Variants in DCHS2 observed in about 807,000 individuals in gnomAD.
DCHS2 encodes the protein dachsous cadherin-related 2.
DCHS2 carries 142 observed loss-of-function variants against 182.4 expected under a neutral mutation model. The observed-to-expected ratio is 0.78, with a 90% CI of 0.68 to 0.89. The LOEUF (loss-of-function observed/expected upper bound fraction) is 0.89. Among genes scored for constraint, DCHS2 ranks in the 40% least tolerant of loss-of-function variants. The pLI is 0.00. For synonymous variants in DCHS2, 1,740 were observed against 1,663.3 expected, an observed-to-expected ratio of 1.05 and a Z score of -1.12; for missense variants, 4,319 against 4,198.6, an observed-to-expected ratio of 1.03 and a Z score of -0.79.
chr4:154,459,238 C>T (rs774879747), intron 1 of DCHS2, among the ~76,000 whole-genome samples: 1 of 151,892 alleles, frequency 6.6e-6, no homozygotes, highest in Non-Finnish European at 1.5e-5. Context: ...ATGGAATAGC[C>T]CTGAAGGTAG....
At chr4:154,244,537 C>G (rs1220392114) in intron 16 of DCHS2, among the ~76,000 whole-genome samples, 1 of 152,176 alleles carries the variant, frequency 6.6e-6, no homozygotes, top group Non-Finnish European at 1.5e-5. Context: ...TTTTAAGAAA[C>G]TATGTCTTCA....
Position 154,239,263 on chromosome 4 carries a change from G to C in DCHS2, c.7399C>G (p.Leu2467Val). Residue 2467 changes from leucine to valine, a missense_variant, in exon 19 of 20, where the codon CTG becomes GTG. Transcript: ENST00000357232. ...TCTAAGTCTGTGGCTGACAGAGTCA[G>C]CACTGAATACCCCACAGGTATTGAT... Reference protein sequence around the residue: ...PESIPVGYSVLTLSATDLESN... With the variant: ...PESIPVGYSVVTLSATDLESN... The C allele has an allele frequency of 6.2e-7, 1 of 1,613,476 alleles. No individual in the cohort carries two copies. Among genetic ancestry groups the C allele is most frequent in the South Asian group, 1.1e-5 (1 of 91,070 alleles).
chr4:154,451,081 T>A (rs968999323), intron 1 of DCHS2, among the ~76,000 whole-genome samples: 1 of 152,136 alleles, frequency 6.6e-6, no homozygotes. Context: ...TTTCAGTGGG[T>A]CCTGAACAGA....
At chr4:154,238,237 T>A (rs1328075978) in intron 19 of DCHS2, among the ~76,000 whole-genome samples, 1 of 152,152 alleles carries the variant, frequency 6.6e-6, no homozygotes, top group Non-Finnish European at 1.5e-5. Context: ...GCAGTAATCG[T>A]TCATCCACAG....
At position 154,490,277 on chromosome 4, in the gene DCHS2, T is replaced by C. The variant is rs978537825; in HGVS notation, c.1079A>G (p.Glu360Gly). 3 of 1,548,314 alleles carry C rather than the reference T, an allele frequency of 1.9e-6. No homozygotes were observed. The highest frequency in any genetic ancestry group is 2.6e-6 in the Non-Finnish European group (3 of 1,146,696). ...LGDAAYFAVE[E>G]LSGVVRVWRP... ...CCACACTCGCACCACGCCGCTCAGC[T>C]CCTCCACCGCGAAGTAGGCCGCGTC... Residue 360 changes from glutamate (E) to glycine (G), a missense_variant, in exon 1 of 20, where the codon GAG becomes GGG. Glu to Gly is a moderately conservative substitution (Grantham distance 98, BLOSUM62 -2). Coordinates refer to ENST00000357232, the MANE Select transcript of DCHS2 (RefSeq NM_001358235.2).
At chr4:154,365,033 C>A (rs1024134233) in intron 3 of DCHS2, among the ~76,000 whole-genome samples, 12 of 151,372 alleles carry the variant, frequency 7.9e-5, no homozygotes, top group Admixed American at 6.6e-5. Flanking sequence ...AATATTTAAA[C>A]CAATATTTTG....
intron 1 of DCHS2, among the ~76,000 whole-genome samples, chr4:154,437,574 G>A (rs1409730222): frequency 1.3e-5 from 2 of 152,088 alleles, no homozygotes; most frequent in Non-Finnish European, 2.9e-5. Context: ...TTTCTTTGGA[G>A]GGGAAATCTT....
chr4:154,435,884 T>C (rs1249844691), intron 1 of DCHS2, among the ~76,000 whole-genome samples: 1 of 152,130 alleles, frequency 6.6e-6, no homozygotes, highest in Non-Finnish European at 1.5e-5. Flanking sequence ...AAACCTGAAA[T>C]AGGCTCAGTG....
At chr4:154,446,153 T>C (rs1164546485) in intron 1 of DCHS2, among the ~76,000 whole-genome samples, 1 of 152,182 alleles carries the variant, frequency 6.6e-6, no homozygotes, top group Non-Finnish European at 1.5e-5. Context: ...ATCAATAAGA[T>C]TTCTCAGGAA....
chr4:154,468,250 T>A (rs1417144920), intron 1 of DCHS2, among the ~76,000 whole-genome samples: 1 of 152,162 alleles, frequency 6.6e-6, no homozygotes. Flanking sequence ...CTCATCTAGA[T>A]ACAAATCATA....
chr4:154,234,916 G>C lies in DCHS2; in HGVS notation c.9736C>G (p.Pro3246Ala). Residue 3246 changes from proline to alanine, a missense_variant, in exon 20 of 20, where the codon CCT becomes GCT. Transcript: ENST00000357232. Reference protein sequence around the residue: ...YLLSWEPKFQPLASVFNDIAK... With the variant: ...YLLSWEPKFQALASVFNDIAK... Reference sequence around the variant, plus strand: ...ATATCATTAAATACTGAGGCAAGAGGTTGGAATTTGGGCTCCCAACTAAGA... The same window carrying C: ...ATATCATTAAATACTGAGGCAAGAGCTTGGAATTTGGGCTCCCAACTAAGA... 6.2e-7 allele frequency: 1 copy of C among 1,613,960 alleles called. No individual in the cohort carries two copies. The highest frequency in any genetic ancestry group is 8.5e-7 in the Non-Finnish European group (1 of 1,179,922).
chr4:154,356,071 A>C (rs944555760), intron 3 of DCHS2, among the ~76,000 whole-genome samples: 1 of 152,152 alleles, frequency 6.6e-6, no homozygotes, highest in Non-Finnish European at 1.5e-5. Context: ...CTATCATAGG[A>C]GATGACAGCT....
At chr4:154,322,898 G>T in intron 7 of DCHS2, 1 of 288,450 alleles carries the variant, frequency 3.5e-6, no homozygotes, top group Non-Finnish European at 6.4e-6. Flanking sequence ...AATCATCACA[G>T]TACCATATTA....
intron 1 of DCHS2, among the ~76,000 whole-genome samples, chr4:154,405,460 A>G (rs1262124319): frequency 6.6e-6 from 1 of 150,896 alleles, no homozygotes; most frequent in Non-Finnish European, 1.5e-5. Flanking sequence ...ATTCATATAT[A>G]TATATATATA....
At chr4:154,309,713 A>C (rs888300206) in intron 10 of DCHS2, among the ~76,000 whole-genome samples, 1 of 152,196 alleles carries the variant, frequency 6.6e-6, no homozygotes. Context: ...GAATGCAGCT[A>C]TGAGTTCCTT....
intron 1 of DCHS2, among the ~76,000 whole-genome samples, chr4:154,381,087 G>C (rs1036324024): frequency 6.6e-6 from 1 of 152,090 alleles, no homozygotes; most frequent in African/African-American, 2.4e-5. Flanking sequence ...GGTGCTGATT[G>C]AGCATCAGAG....
chr4:154,314,879 C>T (rs1254350713), intron 10 of DCHS2, among the ~76,000 whole-genome samples: 1 of 152,062 alleles, frequency 6.6e-6, no homozygotes, highest in African/African-American at 2.4e-5. Context: ...GGAATATAAA[C>T]TATTCATATT....
At chr4:154,343,597 T>C in intron 3 of DCHS2, 11 of 1,524,310 alleles carry the variant, frequency 7.2e-6, no homozygotes, top group African/African-American at 1.4e-5. Flanking sequence ...AACCAACCTC[T>C]GCTAGCTTCA....
intron 1 of DCHS2, among the ~76,000 whole-genome samples, chr4:154,487,886 A>G (rs746054617): frequency 2.6e-5 from 4 of 152,340 alleles, no homozygotes; most frequent in Admixed American, 6.5e-5. Context: ...CAGATAAGAA[A>G]TAGGAAATTG....
Sources: gnomAD v4.1 joint callset for allele counts (sites outside exome capture counted in the v4.1 genomes callset) on GRCh38, gnomAD v4.1.1 for gene constraint, MANE v1.5 for transcripts, NCBI Gene and HGNC (gene_info 2026-07-23, HGNC 2026-07-21) for gene names.